The following LMAN2L variants were observed in gnomAD, a reference collection of about 807,000 sequenced individuals.
The protein encoded by LMAN2L is lectin, mannose binding 2 like, also known as VIP36-like protein.
LMAN2L carries 30 observed loss-of-function variants against 44.3 expected under a neutral mutation model. The observed-to-expected ratio is 0.68, with a 90% CI of 0.51 to 0.92. LMAN2L has a LOEUF of 0.92. Ranked by LOEUF, LMAN2L falls within the 40% of genes least tolerant of loss-of-function variation. The pLI, the probability that LMAN2L is intolerant of heterozygous loss-of-function variation, is 0.00. For missense variants in LMAN2L, 429 were observed against 446.1 expected (o/e 0.96, Z 0.35); for synonymous variants, 183 against 171.1 (o/e 1.07, Z -0.54).
In LMAN2L at chr2:96,740,009, C is replaced by G; in HGVS notation, c.32G>C (p.Trp11Ser). 1 of 1,613,366 alleles carries G rather than the reference C, an allele frequency of 6.2e-7. No individual in the cohort carries two copies. Among genetic ancestry groups the G allele is most frequent in the African/African-American group, 1.3e-5 (1 of 75,048 alleles). Residue 11 changes from tryptophan to serine, a missense_variant, in exon 1 of 8, where the codon TGG becomes TCG. By Grantham distance (177) the Trp-to-Ser change is radical. Coordinates refer to ENST00000264963, the MANE Select transcript of LMAN2L (RefSeq NM_030805.4). ...CGACAAACATCGCCGCCACTGCTGC[C>G]ACGACCCAAGGGGTCCCAGAGTCGC... MAATLGPLGS[W>S]QQWRRCLSAR...
chr2:96,732,657 T>TA (rs1175523220), intron 4 of LMAN2L, among the ~76,000 whole-genome samples: 47 of 134,672 alleles, frequency 3.5e-4, no homozygotes, highest in African/African-American at 3.8e-4. Context: ...AAAAAAAAAT[T>TA]AAAAAAAAAA....
intron 4 of LMAN2L, among the ~76,000 whole-genome samples, chr2:96,713,786 G>C (rs958187488): frequency 6.6e-6 from 1 of 152,240 alleles, no homozygotes; most frequent in Non-Finnish European, 1.5e-5. Flanking sequence ...ACATAGGCAA[G>C]GAAGAAGCTC....
intron 4 of LMAN2L, among the ~76,000 whole-genome samples, chr2:96,729,075 A>G (rs538767516): frequency 5.1e-4 from 77 of 151,098 alleles, no homozygotes; most frequent in Non-Finnish European, 1.1e-3. Context: ...AGGAGGCTGA[A>G]GCAGGAGAAT....
chr2:96,714,823 C>T (rs1017039919), intron 4 of LMAN2L, among the ~76,000 whole-genome samples: 1 of 152,212 alleles, frequency 6.6e-6, no homozygotes, highest in African/African-American at 2.4e-5. Context: ...TTCCAGGTAA[C>T]AGCCAGAGGC....
chr2:96,723,974 C>T (rs1217988899), intron 4 of LMAN2L, among the ~76,000 whole-genome samples: 1 of 151,774 alleles, frequency 6.6e-6, no homozygotes, highest in South Asian at 2.1e-4. Context: ...TGGCAGGCAC[C>T]TGTAGTCCCA....
chr2:96,707,598 G>T, intron 7 of LMAN2L, 116 bp downstream of exon 7: 1 of 1,347,466 alleles, frequency 7.4e-7, no homozygotes, highest in Non-Finnish European at 1.0e-6. Flanking sequence ...AGATGAAAGT[G>T]CTCCCTACCC....
intron 6 of LMAN2L, among the ~76,000 whole-genome samples, chr2:96,711,204 G>A (rs1456261660): frequency 1.3e-5 from 2 of 152,094 alleles, no homozygotes; most frequent in Non-Finnish European, 2.9e-5. Context: ...TTAAGGAGGT[G>A]GACAGCTAGG....
In LMAN2L at chr2:96,711,836, C is replaced by T. The variant is rs201804010; in HGVS notation, c.669+28G>A. ...AGCAAGAGCGACACAGCCCACACCA[C>T]CATCTGGTCCAGGACAAGGACTCTC... On this transcript the variant is annotated intron_variant, in intron 5 of 7. Transcript: ENST00000264963. The T allele has an allele frequency of 1.2e-5, 20 of 1,613,628 alleles. No individual in the cohort carries two copies. The East Asian group carries it at 3.6e-4, about 29-fold the overall frequency.
At chr2:96,716,997 G>A (rs980645020) in intron 4 of LMAN2L, among the ~76,000 whole-genome samples, 1 of 152,264 alleles carries the variant, frequency 6.6e-6, no homozygotes, top group Non-Finnish European at 1.5e-5. Context: ...GGGACAATAG[G>A]TGAAATATGA....
chr2:96,707,607 C>G (rs886609349), intron 7 of LMAN2L, 107 bp downstream of exon 7: 31 of 1,398,998 alleles, frequency 2.2e-5, no homozygotes, highest in Non-Finnish European at 3.0e-5. Flanking sequence ...TGCTCCCTAC[C>G]CTTCAGAAGA....
chr2:96,739,220 C>T (rs1324351344), intron 1 of LMAN2L, among the ~76,000 whole-genome samples: 1 of 152,208 alleles, frequency 6.6e-6, no homozygotes, highest in Non-Finnish European at 1.5e-5. Context: ...GTAGAGTATA[C>T]TCTTGCACTT....
At chr2:96,733,494 C>T (rs1343040415) in intron 4 of LMAN2L, 25 bp downstream of exon 4, 2 of 1,571,156 alleles carry the variant, frequency 1.3e-6, no homozygotes, top group South Asian at 1.1e-5. Context: ...GTGTAGCTGA[C>T]CTAGGCTCTG....
At position 96,707,266 on chromosome 2, in the gene LMAN2L, C is replaced by G; in HGVS notation, c.1037G>C (p.Arg346Pro). ...TGGCAGCAGGAGGGCTCAGTAGAAGCGCTTTCGGCTCTGTTCCTGCCATTT... is the reference window on the plus strand; with the variant it reads ...TGGCAGCAGGAGGGCTCAGTAGAAGGGCTTTCGGCTCTGTTCCTGCCATTT... The part of the protein sequence containing the change: ...YNKWQEQSRK[R>P]FY Residue 346 changes from arginine to proline, a missense_variant, in exon 8 of 8, where the codon CGC (arginine) becomes CCC (proline). By Grantham distance (103) the Arg-to-Pro change is moderately radical. Coordinates refer to ENST00000264963, the MANE Select transcript of LMAN2L (RefSeq NM_030805.4). The G allele has an allele frequency of 6.2e-7, 1 of 1,613,950 alleles. No individual in the cohort carries two copies. The highest frequency in any genetic ancestry group is 8.5e-7 in the Non-Finnish European group (1 of 1,179,894).
intron 4 of LMAN2L, among the ~76,000 whole-genome samples, chr2:96,728,594 G>A (rs2078323371): frequency 6.6e-6 from 1 of 151,796 alleles, no homozygotes; most frequent in African/African-American, 2.4e-5. Context: ...TGTAATCCTA[G>A]CAGTTTGGGA....
intron 2 of LMAN2L, among the ~76,000 whole-genome samples, chr2:96,737,708 A>G (rs1040737574): frequency 3.3e-5 from 5 of 152,188 alleles, no homozygotes; most frequent in African/African-American, 9.7e-5. Flanking sequence ...TGGGCCAATC[A>G]GGAATTAACG....
Position 96,706,404 on chromosome 2 carries a change from C to T in LMAN2L, c.*852G>A, listed in dbSNP as rs1403900469. 2 of 152,184 alleles carry T rather than the reference C, an allele frequency of 1.3e-5. No individual in the cohort carries two copies. Among genetic ancestry groups the T allele is most frequent in the Non-Finnish European group, 2.9e-5 (2 of 68,030 alleles). The allele number at this position is 152,184 out of a possible 1,614,324, so 9.4% of individuals were successfully genotyped here. On this transcript the variant is annotated 3_prime_UTR_variant, in exon 8 of 8. Coordinates refer to ENST00000264963, the MANE Select transcript of LMAN2L (RefSeq NM_030805.4). ...TGGTCAGACCACATGACAAATGTTGCTTTTGGTTTGATCAAACCTGGAGCT... is the reference window on the plus strand; with the variant it reads ...TGGTCAGACCACATGACAAATGTTGTTTTTGGTTTGATCAAACCTGGAGCT...
chr2:96,712,293 C>T (rs536210603), intron 4 of LMAN2L, among the ~76,000 whole-genome samples: 6 of 152,332 alleles, frequency 3.9e-5, no homozygotes, highest in Admixed American at 2.6e-4. Context: ...CCTCCTAAGA[C>T]GCTGGAGTCT....
intron 1 of LMAN2L, among the ~76,000 whole-genome samples, 194 bp downstream of exon 1, chr2:96,739,660 A>C (rs1373730609): frequency 6.6e-6 from 1 of 152,180 alleles, no homozygotes; most frequent in Non-Finnish European, 1.5e-5. Context: ...GGAAACTTCC[A>C]GAGCTTGGCA....
intron 4 of LMAN2L, among the ~76,000 whole-genome samples, chr2:96,722,758 T>C (rs928443457): frequency 1.3e-5 from 2 of 152,224 alleles, no homozygotes; most frequent in Admixed American, 1.3e-4. Flanking sequence ...CAGTGGCTCA[T>C]GCCTATAATC....
Sources: allele counts gnomAD v4.1 joint callset (sites outside exome capture counted in the v4.1 genomes callset), GRCh38; gene constraint gnomAD v4.1.1; transcripts MANE v1.5; gene names NCBI Gene and HGNC (gene_info 2026-07-23, HGNC 2026-07-21).